The following FER1L6 variants were observed in gnomAD, a reference collection of about 807,000 sequenced individuals.
The protein encoded by FER1L6 is fer-1-like protein 6.
A neutral mutation model predicts 219.2 loss-of-function variants in FER1L6; 177 were observed. The ratio of observed to expected loss-of-function variants is 0.81; its 90% CI spans 0.71 to 0.91. The LOEUF is 0.91. Among genes scored for constraint, FER1L6 ranks in the 40% least tolerant of loss-of-function variants. FER1L6 has a pLI of 0.00. For synonymous variants in FER1L6, 768 were observed against 824.3 expected, an observed-to-expected ratio of 0.93 and a Z score of 1.17; for missense variants, 2,153 against 2,259.9, an observed-to-expected ratio of 0.95 and a Z score of 0.96.
chr8:123,894,836 T>A (rs1164996530), intron 1 of FER1L6, among the ~76,000 whole-genome samples: 2 of 152,138 alleles, frequency 1.3e-5, no homozygotes, highest in African/African-American at 4.8e-5. Context: ...TGGGCACAAT[T>A]TGGGCATCAA....
intron 1 of FER1L6, 50 bp from the exon 2 acceptor site, chr8:123,955,942 G>T: frequency 1.3e-6 from 2 of 1,525,092 alleles, no homozygotes; most frequent in Admixed American, 1.9e-5. Flanking sequence ...CTCCTAACAC[G>T]TCTAAATGAC....
intron 15 of FER1L6, among the ~76,000 whole-genome samples, chr8:124,016,257 T>A (rs1367087534): frequency 1.3e-5 from 2 of 152,192 alleles, no homozygotes; most frequent in African/African-American, 2.4e-5. Flanking sequence ...AATATAATCC[T>A]TTTTATTCTT....
chr8:124,026,083 TG>T (rs1818695137), intron 18 of FER1L6, among the ~76,000 whole-genome samples: 1 of 152,154 alleles, frequency 6.6e-6, no homozygotes. Context: ...GCCTTCTGGG[TG>T]GGCCCTTATA....
At chr8:123,861,316 G>T (rs1424768606) in intron 1 of FER1L6, among the ~76,000 whole-genome samples, 14 of 139,662 alleles carry the variant, frequency 1.0e-4, no homozygotes. Flanking sequence ...ATTTCTGAGG[G>T]CTCTGTTCTG....
chr8:123,852,891 G>C lies in FER1L6; in HGVS notation c.-8+706G>C, dbSNP rs1816539236. Among the ~76,000 whole-genome samples the C allele has an allele frequency of 1.3e-5, 2 of 152,076 alleles. No individual in the cohort carries two copies. Among genetic ancestry groups the C allele is most frequent in the African/African-American group, 4.8e-5 (2 of 41,386 alleles). Reference sequence around the variant, plus strand: ...CCAGAATCCCACATTGTAATTTTTGGAGATGGATTTTGAGGCAAATGTAAT... The same window carrying C: ...CCAGAATCCCACATTGTAATTTTTGCAGATGGATTTTGAGGCAAATGTAAT... On this transcript the variant is annotated intron_variant, in intron 1 of 40. Coordinates refer to ENST00000522917, the MANE Select transcript of FER1L6 (RefSeq NM_001039112.2). The surrounding 1 kb of genome is among the most constrained non-coding windows in gnomAD (Gnocchi z 4.9).
chr8:124,000,392 T>A (rs539392192), intron 12 of FER1L6, among the ~76,000 whole-genome samples: 2 of 152,354 alleles, frequency 1.3e-5, no homozygotes, highest in East Asian at 1.9e-4. Flanking sequence ...TTATTTTGTA[T>A]GAAGAGTTGT....
intron 1 of FER1L6, among the ~76,000 whole-genome samples, chr8:123,938,601 C>T (rs1202775641): frequency 7.1e-6 from 1 of 141,412 alleles, no homozygotes; most frequent in Non-Finnish European, 1.5e-5. Context: ...GGCTCAAGTG[C>T]AGTGGTGCGA....
At chr8:124,023,620 A>C in intron 18 of FER1L6, 24 bp downstream of exon 18, 1 of 1,610,944 alleles carries the variant, frequency 6.2e-7, no homozygotes, top group Non-Finnish European at 8.5e-7. Context: ...ATTTTAACTA[A>C]AAGAAGGGAG....
At chr8:123,985,074 T>A (rs959762026) in intron 11 of FER1L6, 3 of 152,232 alleles carry the variant, frequency 2.0e-5, no homozygotes, top group Admixed American at 2.0e-4. Context: ...TCCCTTGTGA[T>A]GACTCCTGTC....
At chr8:124,006,170 T>G (rs756498164) in intron 13 of FER1L6, among the ~76,000 whole-genome samples, 9 of 152,210 alleles carry the variant, frequency 5.9e-5, no homozygotes, top group Non-Finnish European at 1.2e-4. Context: ...TCTGCATCTT[T>G]GCACTGGGGC....
chr8:123,963,339 A>C lies in FER1L6; in HGVS notation c.138A>C (p.Gly46=). 1 of 1,614,134 alleles carries C rather than the reference A, an allele frequency of 6.2e-7. No individual in the cohort carries two copies. Among genetic ancestry groups the C allele is most frequent in the Middle Eastern group, 1.7e-4 (1 of 6,060 alleles). The change falls in exon 3 of 41, where the codon GGA becomes GGC. Residue 46 remains glycine (G), a synonymous_variant. Coordinates refer to ENST00000522917, the MANE Select transcript of FER1L6 (RefSeq NM_001039112.2). The part of the protein sequence containing the change: ...EEPSHQEGPR[G]DLVHDDASIF... Reference sequence around the variant, plus strand: ...CTTCTCACCAGGAAGGACCGAGAGGAGATTTGGTCCATGATGATGCTTCTA... The same window carrying C: ...CTTCTCACCAGGAAGGACCGAGAGGCGATTTGGTCCATGATGATGCTTCTA...
chr8:124,104,376 G>A (rs1563802724), intron 39 of FER1L6, among the ~76,000 whole-genome samples: 1 of 152,228 alleles, frequency 6.6e-6, no homozygotes, highest in African/African-American at 2.4e-5. Flanking sequence ...GGGACAAACA[G>A]TTCAACATCC....
chr8:124,051,811 G>GCTA (rs566221874), intron 22 of FER1L6, among the ~76,000 whole-genome samples: 69 of 152,260 alleles, frequency 4.5e-4, no homozygotes, highest in African/African-American at 1.6e-3. Flanking sequence ...GTTGCACACG[G>GCTA]CTACAGTAAT....
rs1897318 is a variant in FER1L6, at chr8:123,852,164, G to C, written c.-29G>C. 2 of 152,058 alleles carry C rather than the reference G, an allele frequency of 1.3e-5. No individual in the cohort carries two copies. Among genetic ancestry groups the C allele is most frequent in the African/African-American group, 2.4e-5 (1 of 41,374 alleles). 9.4% of individuals were successfully genotyped at this position (152,058 alleles called of 1,614,324 possible). ...TCAGAGCAATGCTGTGTGGACCATC[G>C]TGAAGGTGGACAAGGCATTTTGTAA... On this transcript the variant is annotated 5_prime_UTR_variant, in exon 1 of 41. Transcript: ENST00000522917. This position sits in a 1 kb window ranked among gnomAD's most constrained non-coding sequence, Gnocchi z 4.9.
At chr8:123,985,823 G>A (rs892545554) in intron 11 of FER1L6, 3 of 387,136 alleles carry the variant, frequency 7.7e-6, no homozygotes, top group Non-Finnish European at 9.2e-6. Flanking sequence ...AAGGAGTTTT[G>A]TTTTAAGGTA....
intron 1 of FER1L6, among the ~76,000 whole-genome samples, chr8:123,932,605 G>A (rs943404743): frequency 6.6e-6 from 1 of 152,318 alleles, no homozygotes; most frequent in East Asian, 1.9e-4. Context: ...GCCAAAGCAG[G>A]AATGCATTGG....
rs77701112 is a variant in FER1L6, at chr8:124,064,208, A to G, written c.3329-139A>G. On this transcript the variant is annotated intron_variant, in intron 25 of 40. Coordinates refer to ENST00000522917, the MANE Select transcript of FER1L6 (RefSeq NM_001039112.2). ...ATGGGTATTTTTACTGTCATTTTATACATAAGAAAATGAGGTTCAGAAATA... is the reference window on the plus strand; with the variant it reads ...ATGGGTATTTTTACTGTCATTTTATGCATAAGAAAATGAGGTTCAGAAATA... The G allele has an allele frequency of 6.0e-3, 4,553 of 756,984 alleles. 104 individuals carry two copies. The highest frequency in any genetic ancestry group is 0.057 in the African/African-American group (3,264 of 56,816). The allele number at this position is 756,984 out of a possible 1,614,324, so 46.9% of individuals were successfully genotyped here. A position where few individuals can be genotyped will look rare whatever the true frequency, so the allele number is the denominator to read the frequency against.
intron 2 of FER1L6, among the ~76,000 whole-genome samples, chr8:123,956,991 G>C (rs949635086): frequency 2.0e-5 from 3 of 152,252 alleles, no homozygotes; most frequent in African/African-American, 7.2e-5. Flanking sequence ...CAAGTGGACA[G>C]ATGGGGTGGT....
At chr8:124,076,433 A>G (rs1821296235) in intron 32 of FER1L6, 108 bp downstream of exon 32, 1 of 1,117,446 alleles carries the variant, frequency 8.9e-7, no homozygotes, top group East Asian at 2.4e-5. Context: ...AAATGGTTCC[A>G]GGAGGTTAAA....
Sources: gnomAD v4.1 joint callset for allele counts (sites outside exome capture counted in the v4.1 genomes callset) on GRCh38, gnomAD v4.1.1 for gene constraint, Gnocchi (gnomAD v3.1) non-coding constraint, MANE v1.5 for transcripts, NCBI Gene and HGNC (gene_info 2026-07-23, HGNC 2026-07-21) for gene names.